Variants in PRKN observed in about 807,000 individuals in gnomAD.
The protein encoded by PRKN is parkin RBR E3 ubiquitin protein ligase, also known as E3 ubiquitin-protein ligase parkin.
A neutral mutation model predicts 59.5 loss-of-function variants in PRKN; 56 were observed. The observed-to-expected ratio is 0.94, with a 90% CI of 0.76 to 1.18. The LOEUF is 1.18. PRKN is among the 50% of genes most tolerant of loss of function. The pLI is 0.00. For missense variants in PRKN, 657 were observed against 596.4 expected (o/e 1.10, Z -1.06); for synonymous variants, 250 against 222.1 (o/e 1.13, Z -1.12).
In PRKN at chr6:161,823,101, A is replaced by ATT. The variant is rs543383314; in HGVS notation, c.735-37195_735-37194dup. Among the ~76,000 whole-genome samples the ATT allele has an allele frequency of 4.8e-3, 665 of 138,872 alleles. 5 individuals are homozygous for ATT. Among genetic ancestry groups the ATT allele is most frequent in the African/African-American group, 0.015 (564 of 37,676 alleles). 91.1% of individuals were successfully genotyped at this position (138,872 alleles called of 152,430 possible). A position where few individuals can be genotyped will look rare whatever the true frequency, so the allele number is the denominator to read the frequency against. Reference sequence around the variant, plus strand: ...AAGCACATGCTACTATGCCAGGCTAATTTTTTTTTTTTTTTTTTAGAGATG... The same window carrying ATT: ...AAGCACATGCTACTATGCCAGGCTAATTTTTTTTTTTTTTTTTTTTAGAGATG... On this transcript the variant is annotated intron_variant, in intron 6 of 11. Coordinates refer to ENST00000366898, the MANE Select transcript of PRKN (RefSeq NM_004562.3).
chr6:161,916,784 A>C (rs9355966), intron 6 of PRKN, among the ~76,000 whole-genome samples: 87,851 of 151,608 alleles, frequency 0.58, 25,866 homozygotes, highest in African/African-American at 0.7. Context: ...TTAGTCTTTA[A>C]TTTTAATTTT....
At chr6:162,654,216 T>C (rs998561658) in intron 1 of PRKN, among the ~76,000 whole-genome samples, 4 of 152,336 alleles carry the variant, frequency 2.6e-5, no homozygotes, top group Non-Finnish European at 4.4e-5. Flanking sequence ...TTTGCTATTA[T>C]TGTAGCTCTC....
At chr6:161,925,116 G>A (rs978776702) in intron 6 of PRKN, among the ~76,000 whole-genome samples, 1 of 152,122 alleles carries the variant, frequency 6.6e-6, no homozygotes, top group African/African-American at 2.4e-5. Context: ...ACAGGCTTAT[G>A]AATGAAAATT....
In PRKN at chr6:161,695,204, G is replaced by A. The variant is rs1317705145; in HGVS notation, c.871+90568C>T. Among the ~76,000 whole-genome samples the A allele has an allele frequency of 2.0e-5, 3 of 152,274 alleles. No individual in the cohort carries two copies. In the East Asian group the frequency reaches 5.8e-4, roughly 29 times the overall value. On this transcript the variant is annotated intron_variant, in intron 7 of 11. Coordinates refer to ENST00000366898, the MANE Select transcript of PRKN (RefSeq NM_004562.3). ...CAATAGAATTGAGAAGATTAGCACTGCCCCCAACTGGCTACAAAAGGAATG... is the reference window on the plus strand; with the variant it reads ...CAATAGAATTGAGAAGATTAGCACTACCCCCAACTGGCTACAAAAGGAATG...
At chr6:161,837,314 T>C (rs2128219898) in intron 6 of PRKN, among the ~76,000 whole-genome samples, 1 of 151,836 alleles carries the variant, frequency 6.6e-6, no homozygotes, top group Non-Finnish European at 1.5e-5. Context: ...TTTAGAAAAA[T>C]GAAAGAGAGA....
intron 2 of PRKN, among the ~76,000 whole-genome samples, chr6:162,347,038 G>C (rs925189779): frequency 6.0e-5 from 9 of 150,872 alleles, no homozygotes; most frequent in Admixed American, 2.0e-4. Flanking sequence ...TTTTTTTCTT[G>C]ATCAGTCTTG....
intron 7 of PRKN, among the ~76,000 whole-genome samples, chr6:161,697,555 T>C (rs193243040): frequency 8.5e-5 from 13 of 152,300 alleles, no homozygotes; most frequent in Admixed American, 2.0e-4. Flanking sequence ...TTTATCTTTG[T>C]TGTTGGTTAA....
chr6:162,653,538 T>C (rs568427152), intron 1 of PRKN, among the ~76,000 whole-genome samples: 1 of 152,336 alleles, frequency 6.6e-6, no homozygotes, highest in African/African-American at 2.4e-5. Context: ...AACATTATTT[T>C]GGTAAATTTT....
intron 3 of PRKN, among the ~76,000 whole-genome samples, chr6:162,251,025 A>T (rs747099915): frequency 2.0e-5 from 3 of 152,098 alleles, no homozygotes; most frequent in Non-Finnish European, 4.4e-5. Flanking sequence ...GTGTCCTTCA[A>T]GTATGTCCCT....
rs868405313 is a variant in PRKN at position 162,323,084 on chromosome 6, G to A, written c.172-60319C>T. On this transcript the variant is annotated intron_variant, in intron 2 of 11. Transcript: ENST00000366898. ...TGGGGACTGTTGTGGGGTGGGGGGAGGGGGGAGGGATAGCACTGGGAGATA... is the reference window on the plus strand; with the variant it reads ...TGGGGACTGTTGTGGGGTGGGGGGAAGGGGGAGGGATAGCACTGGGAGATA... Among the ~76,000 whole-genome samples, 263 of 114,504 alleles carry A rather than the reference G, an allele frequency of 2.3e-3. 3 individuals are homozygous for A. The highest frequency in any genetic ancestry group is 6.8e-3 in the African/African-American group (208 of 30,588). 75.1% of individuals were successfully genotyped at this position (114,504 alleles called of 152,430 possible).
At chr6:162,182,102 T>C (rs1176547372) in intron 4 of PRKN, among the ~76,000 whole-genome samples, 5 of 152,286 alleles carry the variant, frequency 3.3e-5, no homozygotes, top group Non-Finnish European at 5.9e-5. Context: ...GTGTTCTTTT[T>C]ACACACTTAC....
At chr6:162,368,651 TGAATGTATA>T (rs568858528) in intron 2 of PRKN, among the ~76,000 whole-genome samples, 31 of 152,304 alleles carry the variant, frequency 2.0e-4, no homozygotes, top group Non-Finnish European at 3.7e-4. Context: ...GACTTCTCAC[TGAATGTATA>T]GAACATCTAG....
intron 7 of PRKN, among the ~76,000 whole-genome samples, chr6:161,739,964 C>T (rs892816786): frequency 5.9e-5 from 9 of 152,162 alleles, no homozygotes; most frequent in Middle Eastern, 3.4e-3. Flanking sequence ...CATGTTGGCC[C>T]GGCTGGTCTC....
chr6:161,825,992 C>T (rs762361823), intron 6 of PRKN, among the ~76,000 whole-genome samples: 5 of 152,168 alleles, frequency 3.3e-5, no homozygotes, highest in Non-Finnish European at 7.3e-5. Flanking sequence ...TTCACCCTAG[C>T]CATCCCGGGC....
At chr6:161,455,108 G>A (rs1352205533) in intron 9 of PRKN, among the ~76,000 whole-genome samples, 1 of 149,914 alleles carries the variant, frequency 6.7e-6, no homozygotes, top group Non-Finnish European at 1.5e-5. Flanking sequence ...GTATGATCTC[G>A]GCTCACTGCA....
chr6:162,454,297 T>C (rs1475428435), intron 1 of PRKN, among the ~76,000 whole-genome samples: 1 of 152,314 alleles, frequency 6.6e-6, no homozygotes, highest in East Asian at 1.9e-4. Flanking sequence ...GTGTTCCCAA[T>C]GGAGCTCTAT....
At chr6:161,939,588 C>T (rs150168085) in intron 6 of PRKN, among the ~76,000 whole-genome samples, 5 of 151,266 alleles carry the variant, frequency 3.3e-5, no homozygotes, top group African/African-American at 9.7e-5. Context: ...AAAAATTAGT[C>T]GGGTGTGGTG....
intron 4 of PRKN, among the ~76,000 whole-genome samples, chr6:162,187,994 G>T (rs1784101889): frequency 6.6e-6 from 1 of 152,138 alleles, no homozygotes; most frequent in Non-Finnish European, 1.5e-5. Context: ...AACTATGGGG[G>T]TGGGTTTTTC....
chr6:162,107,847 A>T (rs1780258906), intron 4 of PRKN, among the ~76,000 whole-genome samples: 1 of 152,164 alleles, frequency 6.6e-6, no homozygotes, highest in Admixed American at 6.5e-5. Context: ...CTTACTCCCA[A>T]GTTTGTCAAA....
Sources: allele counts gnomAD v4.1 joint callset (sites outside exome capture counted in the v4.1 genomes callset), GRCh38; gene constraint gnomAD v4.1.1; transcripts MANE v1.5; gene names NCBI Gene and HGNC (gene_info 2026-07-23, HGNC 2026-07-21).